The following VPS13D variants were observed in gnomAD, a reference collection of about 807,000 sequenced individuals.
VPS13D encodes vacuolar protein sorting 13 homolog D, also known as intermembrane lipid transfer protein VPS13D.
In VPS13D, 187 loss-of-function variants were observed where a neutral mutation model predicts 461.9. The observed-to-expected ratio is 0.40, with a 90% CI of 0.36 to 0.46. The LOEUF is 0.46. Among genes scored for constraint, VPS13D ranks in the 20% least tolerant of loss-of-function variants. The pLI is 0.60. For missense variants in VPS13D, 4,711 were observed against 5,364.9 expected (o/e 0.88, Z 3.81); for synonymous variants, 1,951 against 1,986.3 (o/e 0.98, Z 0.47).
In VPS13D at chr1:12,432,787, G is replaced by T. The variant is rs975671440; in HGVS notation, c.12333+15960G>T. Reference sequence around the variant, plus strand: ...AATTTTTTTTTCTCGTAGAGATGGGGTTTCTCTATGTTGCTCAGGCTGGTC... The same window carrying T: ...AATTTTTTTTTCTCGTAGAGATGGGTTTTCTCTATGTTGCTCAGGCTGGTC... On this transcript the variant is annotated intron_variant, in intron 65 of 69. Transcript: ENST00000620676. Among the ~76,000 whole-genome samples, 5 of 152,114 alleles carry T rather than the reference G, an allele frequency of 3.3e-5. No homozygotes were observed. In the East Asian group the frequency reaches 9.7e-4, roughly 29 times the overall value.
intron 40 of VPS13D, among the ~76,000 whole-genome samples, chr1:12,339,414 C>T (rs540331576): frequency 2.0e-5 from 3 of 152,190 alleles, no homozygotes; most frequent in South Asian, 2.1e-4. Flanking sequence ...ACAACCTACA[C>T]TGTTTATAAT....
chr1:12,306,755 C>T (rs138102989), intron 26 of VPS13D, among the ~76,000 whole-genome samples: 1,746 of 152,204 alleles, frequency 0.011, 21 homozygotes, highest in Non-Finnish European at 0.015. Flanking sequence ...ACAATTTTTC[C>T]ACAGACAGGG....
intron 52 of VPS13D, among the ~76,000 whole-genome samples, chr1:12,366,556 C>T (rs966078267): frequency 1.3e-5 from 2 of 152,044 alleles, no homozygotes; most frequent in African/African-American, 4.8e-5. Flanking sequence ...AGAGGCAGCC[C>T]CTATCTGTTG....
chr1:12,262,193 A>T, intron 13 of VPS13D, 113 bp downstream of exon 13: 1 of 1,172,400 alleles, frequency 8.5e-7, no homozygotes, highest in Non-Finnish European at 1.2e-6. Context: ...CGAAAACTGT[A>T]TTAGCTAATG....
In VPS13D at chr1:12,386,213, G is replaced by T; in HGVS notation, c.11513G>T (p.Gly3838Val). ...CTTGTGAGGTTAGAAGGTGGAATTG[G>T]GTTGTCCTTAATTAATAAAGTCCCA... ...EVLVRLEGGIGLSLINKVPEE... is the reference protein window; with the variant it reads ...EVLVRLEGGIVLSLINKVPEE... The change falls in exon 60 of 70, where the codon GGG becomes GTG. Residue 3838 changes from glycine to valine, a missense_variant. By Grantham distance (109) the Gly-to-Val change is moderately radical. Around this residue, in one of 3 missense-constraint regions of VPS13D, gnomAD observed 4,411 missense variants for 4,937.8 expected, o/e 0.89. Coordinates refer to ENST00000620676, the MANE Select transcript of VPS13D (RefSeq NM_015378.4). 6.2e-7 allele frequency: 1 copy of T among 1,612,988 alleles called. No homozygotes were observed. Among genetic ancestry groups the T allele is most frequent in the Non-Finnish European group, 8.5e-7 (1 of 1,179,536 alleles).
Position 12,354,188 on chromosome 1 carries a change from C to T in VPS13D, c.9646C>T (p.His3216Tyr). ...GAAACCTGGCAAGGAGGCAGCTCTC[C>T]ATACAGCTGATACATCCCAGAACAT... The part of the protein sequence containing the change: ...TLKPGKEAAL[H>Y]TADTSQNIEL... The change falls in exon 47 of 70, where the codon CAT becomes TAT. Residue 3216 changes from histidine to tyrosine, a missense_variant. Around this residue, in one of 3 missense-constraint regions of VPS13D, gnomAD observed 4,411 missense variants for 4,937.8 expected, o/e 0.89. Coordinates refer to ENST00000620676, the MANE Select transcript of VPS13D (RefSeq NM_015378.4). The T allele has an allele frequency of 6.2e-7, 1 of 1,614,146 alleles. No individual in the cohort carries two copies. Among genetic ancestry groups the T allele is most frequent in the Non-Finnish European group, 8.5e-7 (1 of 1,180,010 alleles).
At chr1:12,406,108 T>A (rs1359423274) in intron 63 of VPS13D, among the ~76,000 whole-genome samples, 1 of 152,060 alleles carries the variant, frequency 6.6e-6, no homozygotes, top group Non-Finnish European at 1.5e-5. Flanking sequence ...AGCAGCCATG[T>A]GATGAGGTGT....
chr1:12,431,001 T>G (rs1644984417), intron 65 of VPS13D, among the ~76,000 whole-genome samples: 1 of 152,228 alleles, frequency 6.6e-6, no homozygotes, highest in Admixed American at 6.5e-5. Flanking sequence ...TATGGAGAGA[T>G]AAAAGTTGTT....
chr1:12,429,875 A>G (rs897302985), intron 65 of VPS13D, among the ~76,000 whole-genome samples: 1 of 152,244 alleles, frequency 6.6e-6, no homozygotes, highest in Non-Finnish European at 1.5e-5. Context: ...AGGAAGGAGA[A>G]GAAAACCTAG....
rs573617669 is a variant in VPS13D at position 12,352,999 on chromosome 1, A to G, written c.9432-975A>G. On this transcript the variant is annotated intron_variant, in intron 46 of 69. Coordinates refer to ENST00000620676, the MANE Select transcript of VPS13D (RefSeq NM_015378.4). ...AAAAAAAAAAAAAAAAAAAAAAAGG[A>G]CCCAGCAAGGCCACTCTGGGGTATT... Among the ~76,000 whole-genome samples the G allele has an allele frequency of 3.4e-3, 487 of 143,552 alleles. 5 individuals are homozygous for G. Among genetic ancestry groups the G allele is most frequent in the African/African-American group, 0.011 (428 of 38,502 alleles). 94.2% of individuals were successfully genotyped at this position (143,552 alleles called of 152,430 possible). A position where few individuals can be genotyped will look rare whatever the true frequency, so the allele number is the denominator to read the frequency against.
At chr1:12,364,321 T>G (rs1643998632) in intron 52 of VPS13D, among the ~76,000 whole-genome samples, 2 of 152,192 alleles carry the variant, frequency 1.3e-5, no homozygotes, top group African/African-American at 4.8e-5. Flanking sequence ...GTATTTGTCT[T>G]TTTGTGACTG....
At chr1:12,323,677 A>G in intron 34 of VPS13D, 29 bp from the exon 35 acceptor site, 2 of 1,593,968 alleles carry the variant, frequency 1.3e-6, no homozygotes, top group East Asian at 2.2e-5. Flanking sequence ...AAAATTATTT[A>G]TGAAAATTTT....
At chr1:12,491,066 G>T (rs1297384824) in intron 67 of VPS13D, among the ~76,000 whole-genome samples, 1 of 152,224 alleles carries the variant, frequency 6.6e-6, no homozygotes. Flanking sequence ...TCAGTGACCA[G>T]TATTGGAAGA....
chr1:12,500,825 G>A (rs1646025534), intron 68 of VPS13D, among the ~76,000 whole-genome samples: 1 of 150,928 alleles, frequency 6.6e-6, no homozygotes, highest in Non-Finnish European at 1.5e-5. Context: ...AGAGCTATGA[G>A]GCCAAAGTGG....
chr1:12,363,637 T>A (rs1279609967), intron 52 of VPS13D, among the ~76,000 whole-genome samples: 1 of 152,194 alleles, frequency 6.6e-6, no homozygotes, highest in Non-Finnish European at 1.5e-5. Context: ...ACACCTAATG[T>A]GGTAACACTC....
chr1:12,508,444 G>A (rs1314349187), intron 69 of VPS13D, among the ~76,000 whole-genome samples: 1 of 151,496 alleles, frequency 6.6e-6, no homozygotes, highest in South Asian at 2.1e-4. Context: ...AGTGGCTCAT[G>A]CCTGTAATCC....
At chr1:12,287,117 T>C (rs984889169) in intron 21 of VPS13D, among the ~76,000 whole-genome samples, 2 of 152,156 alleles carry the variant, frequency 1.3e-5, no homozygotes, top group African/African-American at 4.8e-5. Context: ...TGCCTCTGCC[T>C]CCCAAAGTGC....
chr1:12,471,514 A>T (rs184248710), intron 67 of VPS13D, among the ~76,000 whole-genome samples: 1 of 152,162 alleles, frequency 6.6e-6, no homozygotes, highest in Admixed American at 6.5e-5. Flanking sequence ...CACTTTCAAC[A>T]CTTTGGGCTG....
chr1:12,470,619 A>G (rs1030062447), intron 67 of VPS13D, among the ~76,000 whole-genome samples: 1 of 152,234 alleles, frequency 6.6e-6, no homozygotes, highest in Non-Finnish European at 1.5e-5. Flanking sequence ...AATAAGTATT[A>G]AATACTGGGA....
Sources: allele counts gnomAD v4.1 joint callset (sites outside exome capture counted in the v4.1 genomes callset), GRCh38; gene constraint gnomAD v4.1.1; regional missense constraint gnomAD v4.1.1; transcripts MANE v1.5; gene names NCBI Gene and HGNC (gene_info 2026-07-23, HGNC 2026-07-21).